MAGI2: variants seen among roughly 807,000 people sequenced by gnomAD.
The protein encoded by MAGI2 is membrane-associated guanylate kinase, WW and PDZ domain-containing protein 2.
A neutral mutation model predicts 133.3 loss-of-function variants in MAGI2; 35 were observed. That is an observed-to-expected ratio of 0.26 (90% confidence interval 0.20 to 0.35). The LOEUF (loss-of-function observed/expected upper bound fraction) is 0.35, where lower values mean the gene tolerates loss of function less well. Among genes scored for constraint, MAGI2 ranks in the 10% least tolerant of loss-of-function variants. MAGI2 has a pLI of 1.00. For missense variants in MAGI2, 1,636 were observed against 1,863.4 expected, an observed-to-expected ratio of 0.88 and a Z score of 2.25; for synonymous variants, 729 against 710.6, an observed-to-expected ratio of 1.03 and a Z score of -0.41.
intron 3 of MAGI2, among the ~76,000 whole-genome samples, chr7:78,591,377 A>AGTG (rs1405801101): frequency 3.3e-5 from 5 of 152,230 alleles, no homozygotes; most frequent in Non-Finnish European, 7.3e-5. Flanking sequence ...AAATTGATGC[A>AGTG]GTGGTATCTA....
intron 3 of MAGI2, among the ~76,000 whole-genome samples, chr7:78,544,147 C>T (rs559624024): frequency 9.8e-5 from 15 of 152,290 alleles, no homozygotes; most frequent in Admixed American, 9.8e-4. Context: ...AAACTTCTGA[C>T]CCAAAGGTCA....
At chr7:79,193,733 C>G (rs868801228) in intron 1 of MAGI2, among the ~76,000 whole-genome samples, 1 of 151,890 alleles carries the variant, frequency 6.6e-6, no homozygotes, top group South Asian at 2.1e-4. Flanking sequence ...TTTCTCCCCC[C>G]ACCACTTTTT....
intron 1 of MAGI2, among the ~76,000 whole-genome samples, chr7:79,141,060 A>T (rs1446873724): frequency 6.6e-6 from 1 of 152,212 alleles, no homozygotes; most frequent in Non-Finnish European, 1.5e-5. Flanking sequence ...GTTTATAAGT[A>T]CTTGGACAGT....
intron 6 of MAGI2, among the ~76,000 whole-genome samples, chr7:78,393,373 G>A (rs1200916604): frequency 6.6e-6 from 1 of 152,220 alleles, no homozygotes; most frequent in African/African-American, 2.4e-5. Context: ...GACTGCCACA[G>A]TTAGTTTCTG....
intron 1 of MAGI2, among the ~76,000 whole-genome samples, chr7:79,444,619 C>G (rs1007795304): frequency 9.9e-5 from 15 of 151,722 alleles, no homozygotes; most frequent in Non-Finnish European, 2.2e-4. Flanking sequence ...ACGTGAAGGA[C>G]CTCTTTAAGG....
At position 78,104,341 on chromosome 7, in the gene MAGI2, G is replaced by C. The variant is rs375087413; in HGVS notation, c.3567+21353C>G. ...GGGTTCGCGCCATTCTCCTGCCTCA[G>C]CCTCCCGAGTAGCTGGGACTACAGG... On this transcript the variant is annotated intron_variant, in intron 20 of 21. Coordinates refer to ENST00000354212, the MANE Select transcript of MAGI2 (RefSeq NM_012301.4). Among the ~76,000 whole-genome samples, 8 of 151,998 alleles carry C rather than the reference G, an allele frequency of 5.3e-5. No individual in the cohort carries two copies. The East Asian group carries it at 9.7e-4, about 18-fold the overall frequency.
At chr7:78,663,485 G>A (rs1218021984) in intron 2 of MAGI2, among the ~76,000 whole-genome samples, 2 of 152,036 alleles carry the variant, frequency 1.3e-5, no homozygotes, top group Admixed American at 6.6e-5. Context: ...GACTACAGGC[G>A]TGAGCCACTG....
intron 1 of MAGI2, among the ~76,000 whole-genome samples, chr7:79,019,518 T>C (rs114896747): frequency 1.3e-5 from 2 of 152,086 alleles, no homozygotes; most frequent in African/African-American, 4.8e-5. Flanking sequence ...TGACCCAATC[T>C]TGGGTATTTC....
intron 1 of MAGI2, among the ~76,000 whole-genome samples, chr7:79,315,845 T>C (rs1838681889): frequency 6.6e-6 from 1 of 152,116 alleles, no homozygotes; most frequent in South Asian, 2.1e-4. Flanking sequence ...CAGGGAACTG[T>C]GATTTTTGCT....
At chr7:78,108,642 A>C (rs868311691) in intron 20 of MAGI2, among the ~76,000 whole-genome samples, 1 of 148,714 alleles carries the variant, frequency 6.7e-6, no homozygotes, top group Non-Finnish European at 1.5e-5. Flanking sequence ...CTCTCTCTGT[A>C]TGTGTGTGTG....
intron 2 of MAGI2, among the ~76,000 whole-genome samples, chr7:78,675,656 T>C (rs1341202716): frequency 6.6e-6 from 1 of 152,148 alleles, no homozygotes; most frequent in Non-Finnish European, 1.5e-5. Flanking sequence ...GAAATTCCTA[T>C]GTTGCCGCCA....
At chr7:78,211,310 T>C (rs1787748166) in intron 10 of MAGI2, among the ~76,000 whole-genome samples, 2 of 152,150 alleles carry the variant, frequency 1.3e-5, no homozygotes, top group Admixed American at 1.3e-4. Flanking sequence ...GTAAGATCAA[T>C]GGGAATCTTA....
chr7:79,125,558 A>C (rs567004400), intron 1 of MAGI2: 1 of 507,158 alleles, frequency 2.0e-6, no homozygotes, highest in Admixed American at 2.3e-5. Flanking sequence ...AGTGGCAGCT[A>C]TAACAGCTGT....
intron 2 of MAGI2, among the ~76,000 whole-genome samples, chr7:78,910,114 A>T (rs543210577): frequency 6.6e-6 from 1 of 152,234 alleles, no homozygotes; most frequent in South Asian, 2.1e-4. Flanking sequence ...GGAGGGGAGC[A>T]ACACATTCTG....
chr7:78,062,053 A>G (rs1408577603), intron 21 of MAGI2, among the ~76,000 whole-genome samples: 1 of 152,242 alleles, frequency 6.6e-6, no homozygotes, highest in African/African-American at 2.4e-5. Flanking sequence ...GATTTCAACA[A>G]GAGTGCGACA....
chr7:78,625,891 TAGAA>T (rs1481701055), intron 3 of MAGI2, among the ~76,000 whole-genome samples: 1 of 152,202 alleles, frequency 6.6e-6, no homozygotes, highest in Non-Finnish European at 1.5e-5. Context: ...GTACATAGCC[TAGAA>T]TGTGTCAGGC....
At chr7:78,033,344 G>A (rs1459661586) in intron 21 of MAGI2, among the ~76,000 whole-genome samples, 3 of 151,942 alleles carry the variant, frequency 2.0e-5, no homozygotes, top group South Asian at 4.2e-4. Flanking sequence ...GCGGTGGTGG[G>A]TGTCTGTAGT....
intron 2 of MAGI2, among the ~76,000 whole-genome samples, chr7:78,722,600 C>T (rs963450539): frequency 6.6e-6 from 1 of 152,022 alleles, no homozygotes; most frequent in African/African-American, 2.4e-5. Context: ...AGAACTCTGG[C>T]TTCATTTTCA....
chr7:78,324,136 T>TACACTACACTAC lies in MAGI2; in HGVS notation c.1408+19630_1408+19641dup, dbSNP rs1263855452. ...GAGCAAAATAATTGACACACTACAC[T>TACACTACACTAC]ACACTACACTACACTACACACTACA... On this transcript the variant is annotated intron_variant, in intron 9 of 21. Transcript: ENST00000354212. Among the ~76,000 whole-genome samples, 298 of 132,300 alleles carry TACACTACACTAC rather than the reference T, an allele frequency of 2.3e-3. 1 individual carries two copies. The highest frequency in any genetic ancestry group is 8.6e-3 in the African/African-American group (287 of 33,516). The allele number at this position is 132,300 out of a possible 152,430, so 86.8% of individuals were successfully genotyped here.
Sources: allele counts gnomAD v4.1 joint callset (sites outside exome capture counted in the v4.1 genomes callset), GRCh38; gene constraint gnomAD v4.1.1; transcripts MANE v1.5; gene names NCBI Gene and HGNC (gene_info 2026-07-23, HGNC 2026-07-21).